DNAH10: variants seen among roughly 807,000 people sequenced by gnomAD.
The protein encoded by DNAH10 is dynein axonemal heavy chain 10, also known as axonemal beta dynein heavy chain 10.
In DNAH10, 348 loss-of-function variants were observed where a neutral mutation model predicts 506.6. That is an observed-to-expected ratio of 0.69 (90% CI 0.63 to 0.75). The LOEUF (loss-of-function observed/expected upper bound fraction) is 0.75. Among genes scored for constraint, DNAH10 ranks in the 30% least tolerant of loss-of-function variants. The pLI is 0.00. For synonymous variants in DNAH10, 2,059 were observed against 2,198.6 expected (o/e 0.94, Z 1.78); for missense variants, 5,179 against 5,787.1 (o/e 0.89, Z 3.41).
rs1384683816 is a variant in DNAH10, at chr12:123,887,219, T to C, written c.8901T>C (p.Leu2967=). ...ACCTGAAGAGCCTCTATTTGAAACT[T>C]GGGATTGAGAACAAAGCGATGATCT... The part of the protein sequence containing the change: ...REDLKSLYLK[L]GIENKAMIFL... Residue 2967 remains leucine (L), a synonymous_variant, in exon 52 of 79, where the codon CTT becomes CTC. Coordinates refer to ENST00000673944, the MANE Select transcript of DNAH10 (RefSeq NM_001372106.1). 3 of 1,613,916 alleles carry C rather than the reference T, an allele frequency of 1.9e-6. No individual in the cohort carries two copies. In the East Asian group the frequency reaches 6.7e-5, roughly 36 times the overall value.
chr12:123,877,069 C>G (rs1379177253), intron 47 of DNAH10, among the ~76,000 whole-genome samples: 4 of 152,180 alleles, frequency 2.6e-5, no homozygotes, highest in Non-Finnish European at 2.9e-5. Context: ...AACGTCTAAC[C>G]CCAGAACATT....
chr12:123,925,105 A>G lies in DNAH10; in HGVS notation c.11822A>G (p.Asn3941Ser). Residue 3941 changes from asparagine to serine, a missense_variant, in exon 68 of 79, where the codon AAC becomes AGC. Asn to Ser is a conservative substitution (Grantham distance 46, BLOSUM62 1). This residue lies in a region of DNAH10 where 4,844 missense variants were observed against 5,430.5 expected (regional missense o/e 0.89). Coordinates refer to ENST00000673944, the MANE Select transcript of DNAH10 (RefSeq NM_001372106.1). This position sits in a 1 kb window ranked among gnomAD's most constrained non-coding sequence, Gnocchi z 4.0. ...CCCGTCCCCTTGGGTTACGATAACA[A>G]CATCACCCCTTTCCAGAAGTTGCTT... Reference protein sequence around the residue: ...QFPVPLGYDNNITPFQKLLIL... With the variant: ...QFPVPLGYDNSITPFQKLLIL... 1 of 1,614,054 alleles carries G rather than the reference A, an allele frequency of 6.2e-7. No individual in the cohort carries two copies. The highest frequency in any genetic ancestry group is 8.5e-7 in the Non-Finnish European group (1 of 1,179,900).
intron 1 of DNAH10, among the ~76,000 whole-genome samples, chr12:123,764,944 A>C (rs1393547660): frequency 1.3e-5 from 2 of 151,846 alleles, no homozygotes; most frequent in Admixed American, 1.3e-4. Flanking sequence ...ACACGTTGTC[A>C]CTCACTCTCT....
intron 11 of DNAH10, 148 bp from the exon 12 acceptor site, chr12:123,793,794 T>C: frequency 2.0e-6 from 1 of 508,380 alleles, no homozygotes; most frequent in East Asian, 9.3e-5. Flanking sequence ...ATAGCCAATC[T>C]CCCACTTTAA....
At chr12:123,788,152 G>T in intron 10 of DNAH10, 150 bp downstream of exon 10, 1 of 898,046 alleles carries the variant, frequency 1.1e-6, no homozygotes, top group Non-Finnish European at 1.7e-6. Flanking sequence ...GAATATACTA[G>T]AATGTACCAG....
chr12:123,837,789 T>C (rs1961333797), intron 28 of DNAH10, among the ~76,000 whole-genome samples: 1 of 147,194 alleles, frequency 6.8e-6, no homozygotes, highest in Non-Finnish European at 1.5e-5. Flanking sequence ...AGAGATGGAG[T>C]CTTGTTCTGT....
intron 1 of DNAH10, among the ~76,000 whole-genome samples, chr12:123,766,672 T>C (rs757664467): frequency 9.9e-5 from 15 of 152,122 alleles, no homozygotes; most frequent in Non-Finnish European, 2.2e-4. Context: ...ATGAAATGCA[T>C]CTGTAACAAG....
rs2136663473 is a variant in DNAH10, at chr12:123,846,065, A to G, written c.5725A>G (p.Thr1909Ala). Residue 1909 changes from threonine to alanine, a missense_variant, in exon 32 of 79, where the codon ACC (threonine) becomes GCC (alanine). Around this residue, in one of 3 missense-constraint regions of DNAH10, gnomAD observed 4,844 missense variants for 5,430.5 expected, o/e 0.89. Coordinates refer to ENST00000673944, the MANE Select transcript of DNAH10 (RefSeq NM_001372106.1). This position sits in a 1 kb window ranked among gnomAD's most constrained non-coding sequence, Gnocchi z 4.5. ...GCTGAACATCCGCCAGTGCACGGGA[A>G]CCTTTGGCTACGGCTACGAGTACAT... ...DELNIRQCTG[T>A]FGYGYEYMGL... The G allele has an allele frequency of 1.2e-6, 2 of 1,613,880 alleles. No homozygotes were observed. The highest frequency in any genetic ancestry group is 1.7e-6 in the Non-Finnish European group (2 of 1,179,882).
chr12:123,804,726 G>T, intron 17 of DNAH10, 107 bp from the exon 18 acceptor site: 1 of 1,019,208 alleles, frequency 9.8e-7, no homozygotes, highest in Admixed American at 2.1e-5. Flanking sequence ...TGAGGTTGGA[G>T]GCTGGTTTTG....
chr12:123,824,722 TG>T (rs1313023988), intron 24 of DNAH10, among the ~76,000 whole-genome samples: 11 of 152,270 alleles, frequency 7.2e-5, no homozygotes, highest in Middle Eastern at 3.4e-3. Context: ...GGCTTGCGGC[TG>T]TGTTGCTCCT....
intron 38 of DNAH10, among the ~76,000 whole-genome samples, chr12:123,860,032 A>T (rs1004342744): frequency 6.9e-6 from 1 of 144,628 alleles, no homozygotes; most frequent in African/African-American, 2.5e-5. Context: ...CTTCTCTCTA[A>T]AAAAAAAAAA....
intron 38 of DNAH10, 139 bp downstream of exon 38, chr12:123,859,407 G>T (rs540263008): frequency 6.1e-6 from 4 of 650,740 alleles, no homozygotes; most frequent in African/African-American, 1.9e-5. Flanking sequence ...TTTCGACTCA[G>T]CGTGTTTTTA....
At chr12:123,770,255 ATTT>A (rs139218825) in intron 2 of DNAH10, among the ~76,000 whole-genome samples, 3 of 103,584 alleles carry the variant, frequency 2.9e-5, no homozygotes, top group East Asian at 8.1e-4. Context: ...TCAAAAAAAA[ATTT>A]TTTTTTAAAA....
intron 35 of DNAH10, among the ~76,000 whole-genome samples, chr12:123,852,218 C>G (rs143200583): frequency 2.0e-5 from 3 of 152,346 alleles, no homozygotes; most frequent in African/African-American, 7.2e-5. Context: ...GGGCTTCTTT[C>G]ACTCAGCACA....
At chr12:123,904,199 A>G (rs140243823) in intron 57 of DNAH10, among the ~76,000 whole-genome samples, 82 of 152,318 alleles carry the variant, frequency 5.4e-4, no homozygotes, top group Middle Eastern at 3.4e-3. Flanking sequence ...GTGGTCAGCA[A>G]GAAGTCATTA....
rs1231686363 is a variant in DNAH10 at position 123,846,021 on chromosome 12, G to A, written c.5681G>A (p.Trp1894Ter). The change falls in exon 32 of 79, where the codon TGG becomes TAG. Residue 1894 changes from tryptophan (W) to a stop codon, truncating the protein, a stop_gained. Coordinates refer to ENST00000673944, the MANE Select transcript of DNAH10 (RefSeq NM_001372106.1). LOFTEE classifies it high-confidence loss of function. The surrounding 1 kb of genome is among the most constrained non-coding windows in gnomAD (Gnocchi z 4.5). ...TGGGAAAGTCAGTTGCGGTTTTATT[G>A]GGACCGGGAGCCGGATGAGCTGAAC... is the stretch of plus-strand genomic sequence containing the variant. ...FDWESQLRFY[W>*]DREPDELNIR... The A allele has an allele frequency of 6.2e-7, 1 of 1,613,894 alleles. No homozygotes were observed. The highest frequency in any genetic ancestry group is 1.3e-5 in the African/African-American group (1 of 74,910).
In DNAH10 at chr12:123,801,424, A is replaced by G; in HGVS notation, c.2606A>G (p.Asn869Ser). The G allele has an allele frequency of 6.2e-7, 1 of 1,613,672 alleles. No homozygotes were observed. Among genetic ancestry groups the G allele is most frequent in the Non-Finnish European group, 8.5e-7 (1 of 1,179,882 alleles). Residue 869 changes from asparagine (N) to serine (S), a missense_variant, in exon 16 of 79, where the codon AAC (asparagine) becomes AGC (serine). Coordinates refer to ENST00000673944, the MANE Select transcript of DNAH10 (RefSeq NM_001372106.1). ...FRSGYKRLNWNSLGIGDYITG... is the reference protein window; with the variant it reads ...FRSGYKRLNWSSLGIGDYITG... The stretch of plus-strand genomic sequence containing the variant: ...TCGGGATATAAGAGGTTGAACTGGA[A>G]CTCACTAGGTAACGTCATTCATCTA...
At position 123,921,691 on chromosome 12, in the gene DNAH10, G is replaced by GTT. The variant is rs35553163; in HGVS notation, c.11507-2033_11507-2032dup. Among the ~76,000 whole-genome samples the GTT allele has an allele frequency of 1.7e-3, 104 of 62,882 alleles. 18 individuals are homozygous for GTT. The highest frequency in any genetic ancestry group is 2.4e-3 in the Non-Finnish European group (85 of 35,180). 41.3% of individuals were successfully genotyped at this position (62,882 alleles called of 152,430 possible). A position where few individuals can be genotyped will look rare whatever the true frequency, so the allele number is the denominator to read the frequency against. On this transcript the variant is annotated intron_variant, in intron 65 of 78. Transcript: ENST00000673944. ...CTTGTCCATCTGTCTGTAGCTTGCAGTTTTTTTTTTTTTTTTTTTTTTTTT... is the reference window on the plus strand; with the variant it reads ...CTTGTCCATCTGTCTGTAGCTTGCAGTTTTTTTTTTTTTTTTTTTTTTTTTTT...
chr12:123,919,707 C>T lies in DNAH10; in HGVS notation c.11506+758C>T, dbSNP rs1954643633. ...TCTGAACACTTCATGTCAATGGCAT[C>T]ATACGGTGTGTGACTTCATGACTGG... is the stretch of plus-strand genomic sequence containing the variant. On this transcript the variant is annotated intron_variant, in intron 65 of 78. Transcript: ENST00000673944. The surrounding 1 kb of genome is among the most constrained non-coding windows in gnomAD (Gnocchi z 4.9). Among the ~76,000 whole-genome samples the T allele has an allele frequency of 6.6e-6, 1 of 152,232 alleles. No homozygotes were observed. The highest frequency in any genetic ancestry group is 6.5e-5 in the Admixed American group (1 of 15,280).
Sources: allele counts gnomAD v4.1 joint callset (sites outside exome capture counted in the v4.1 genomes callset), GRCh38; gene constraint gnomAD v4.1.1; regional missense constraint gnomAD v4.1.1; non-coding constraint Gnocchi (gnomAD v3.1); transcripts MANE v1.5; gene names NCBI Gene and HGNC (gene_info 2026-07-23, HGNC 2026-07-21).